Variants in GRIA4 observed in about 807,000 individuals in gnomAD.
GRIA4 encodes the protein glutamate receptor 4.
A neutral mutation model predicts 104.0 loss-of-function variants in GRIA4; 34 were observed. The ratio of observed to expected loss-of-function variants is 0.33; its 90% CI spans 0.25 to 0.44. GRIA4 has a LOEUF of 0.44. GRIA4 is among the 20% of genes least tolerant of loss of function. The pLI, the probability that GRIA4 is intolerant of heterozygous loss-of-function variation, is 1.00. For synonymous variants in GRIA4, 386 were observed against 381.9 expected (o/e 1.01, Z -0.13); for missense variants, 750 against 1,096.5 (o/e 0.68, Z 4.46).
intron 4 of GRIA4, among the ~76,000 whole-genome samples, chr11:105,827,347 A>T (rs1221493055): frequency 6.6e-6 from 1 of 152,028 alleles, no homozygotes; most frequent in Non-Finnish European, 1.5e-5. Context: ...GGAGATTTTT[A>T]AATTATGTTG....
At chr11:105,733,253 G>C (rs191922860) in intron 3 of GRIA4, among the ~76,000 whole-genome samples, 2 of 152,248 alleles carry the variant, frequency 1.3e-5, no homozygotes, top group Admixed American at 1.3e-4. Context: ...CCATACTTTA[G>C]AGAAGATACG....
At chr11:105,734,020 G>T (rs904930328) in intron 3 of GRIA4, among the ~76,000 whole-genome samples, 1 of 145,450 alleles carries the variant, frequency 6.9e-6, no homozygotes, top group Non-Finnish European at 1.5e-5. Context: ...ACATATATAT[G>T]AATTCATATA....
chr11:105,684,438 TAA>T (rs1215824029), intron 3 of GRIA4, among the ~76,000 whole-genome samples: 1 of 151,512 alleles, frequency 6.6e-6, no homozygotes, highest in African/African-American at 2.4e-5. Flanking sequence ...ATTGCTAAAA[TAA>T]AGTTAGATGA....
chr11:105,697,904 G>C (rs1367503059), intron 3 of GRIA4, among the ~76,000 whole-genome samples: 1 of 152,118 alleles, frequency 6.6e-6, no homozygotes, highest in African/African-American at 2.4e-5. Context: ...GCTTTCATCA[G>C]CTTTTCAAAG....
rs533143164 is a variant in GRIA4, at chr11:105,956,762, A to G, written c.2295-15152A>G. On this transcript the variant is annotated intron_variant, in intron 14 of 16. Coordinates refer to ENST00000282499, the MANE Select transcript of GRIA4 (RefSeq NM_000829.4). The stretch of plus-strand genomic sequence containing the variant: ...GTTCCTATTTCTCCACATCCTCTCC[A>G]GCACCTGTTGTTTCCTGACTTTTTA... Among the ~76,000 whole-genome samples the G allele has an allele frequency of 2.6e-5, 4 of 152,286 alleles. No individual in the cohort carries two copies. The South Asian group carries it at 8.3e-4, about 32-fold the overall frequency.
intron 7 of GRIA4, among the ~76,000 whole-genome samples, chr11:105,899,506 G>C (rs779526556): frequency 3.3e-5 from 5 of 152,152 alleles, no homozygotes; most frequent in Non-Finnish European, 5.9e-5. Context: ...CTATAGCTTT[G>C]TTCTCTTTGT....
intron 14 of GRIA4, among the ~76,000 whole-genome samples, chr11:105,944,293 G>A (rs554603485): frequency 6.6e-6 from 1 of 152,210 alleles, no homozygotes; most frequent in East Asian, 1.9e-4. Context: ...CTCACCTGAT[G>A]TCATTTTACT....
Position 105,611,710 on chromosome 11 carries a change from C to T in GRIA4, c.89-566C>T, listed in dbSNP as rs561591682. Among the ~76,000 whole-genome samples the T allele has an allele frequency of 7.4e-4, 112 of 152,268 alleles. 3 individuals carry two copies. The highest frequency in any genetic ancestry group is 3.4e-3 in the Middle Eastern group (1 of 294). On this transcript the variant is annotated intron_variant, in intron 2 of 16. Coordinates refer to ENST00000282499, the MANE Select transcript of GRIA4 (RefSeq NM_000829.4). ...CACCCTCCATCCTTGGCTTTTCTTG[C>T]TATTCTCCTCTACTGTCTTTTAATG...
At chr11:105,839,830 T>G (rs1368763485) in intron 4 of GRIA4, among the ~76,000 whole-genome samples, 2 of 152,158 alleles carry the variant, frequency 1.3e-5, no homozygotes, top group Non-Finnish European at 2.9e-5. Flanking sequence ...TCTAATTAAT[T>G]ATAATAGCTT....
chr11:105,650,108 T>C (rs961782338), intron 3 of GRIA4, among the ~76,000 whole-genome samples: 4 of 152,172 alleles, frequency 2.6e-5, no homozygotes, highest in Admixed American at 6.6e-5. Flanking sequence ...AAAATATTCA[T>C]TGAATGAGTG....
intron 14 of GRIA4, among the ~76,000 whole-genome samples, chr11:105,966,552 T>C (rs1386495474): frequency 6.6e-6 from 1 of 152,154 alleles, no homozygotes. Context: ...TCTATTCAAG[T>C]TAAATAACAA....
chr11:105,785,913 A>T (rs1941941089), intron 4 of GRIA4, among the ~76,000 whole-genome samples: 1 of 152,124 alleles, frequency 6.6e-6, no homozygotes, highest in African/African-American at 2.4e-5. Context: ...TGGGAGGTCA[A>T]GGAGGGTGGA....
intron 5 of GRIA4, among the ~76,000 whole-genome samples, chr11:105,871,083 G>C (rs936585833): frequency 1.3e-5 from 2 of 151,996 alleles, no homozygotes; most frequent in Non-Finnish European, 1.5e-5. Flanking sequence ...CCTCGGCTTA[G>C]GAAAACCCCT....
intron 9 of GRIA4, among the ~76,000 whole-genome samples, chr11:105,907,305 G>C (rs1488647272): frequency 6.6e-6 from 1 of 152,156 alleles, no homozygotes; most frequent in Non-Finnish European, 1.5e-5. Flanking sequence ...GTATAAAATG[G>C]TGTAGACTCA....
intron 4 of GRIA4, among the ~76,000 whole-genome samples, chr11:105,840,285 T>A (rs1041247698): frequency 6.6e-6 from 1 of 152,198 alleles, no homozygotes; most frequent in Non-Finnish European, 1.5e-5. Flanking sequence ...ACTGGACACT[T>A]GGACACAAGG....
intron 3 of GRIA4, among the ~76,000 whole-genome samples, chr11:105,685,515 T>C (rs1029172965): frequency 6.6e-6 from 1 of 152,188 alleles, no homozygotes; most frequent in African/African-American, 2.4e-5. Context: ...TGTAATTCAG[T>C]CTACTAAAAG....
intron 4 of GRIA4, among the ~76,000 whole-genome samples, chr11:105,756,829 C>A (rs1325705289): frequency 1.3e-5 from 2 of 151,940 alleles, no homozygotes; most frequent in African/African-American, 4.8e-5. Context: ...CTTACAAACT[C>A]TTGTTACATT....
At chr11:105,713,435 C>A (rs1367353819) in intron 3 of GRIA4, among the ~76,000 whole-genome samples, 1 of 151,884 alleles carries the variant, frequency 6.6e-6, no homozygotes, top group Non-Finnish European at 1.5e-5. Flanking sequence ...CATATGGACA[C>A]ATACTCAAAG....
At chr11:105,958,531 AT>A (rs1294366017) in intron 14 of GRIA4, among the ~76,000 whole-genome samples, 1 of 151,932 alleles carries the variant, frequency 6.6e-6, no homozygotes, top group African/African-American at 2.4e-5. Context: ...TTTATTAAGG[AT>A]TTTTGCATTG....
Sources: gnomAD v4.1 joint callset for allele counts (sites outside exome capture counted in the v4.1 genomes callset) on GRCh38, gnomAD v4.1.1 for gene constraint, MANE v1.5 for transcripts, NCBI Gene and HGNC (gene_info 2026-07-23, HGNC 2026-07-21) for gene names.